The following SEMA3E variants were observed in gnomAD, a reference collection of about 807,000 sequenced individuals.
The protein encoded by SEMA3E is semaphorin-3E.
A neutral mutation model predicts 93.6 loss-of-function variants in SEMA3E; 49 were observed. The observed-to-expected ratio is 0.52, with a 90% CI of 0.42 to 0.66. The LOEUF (loss-of-function observed/expected upper bound fraction) is 0.66, where lower values mean the gene tolerates loss of function less well. SEMA3E is among the 30% of genes least tolerant of loss of function. The pLI is 0.00. For missense variants in SEMA3E, 906 were observed against 964.8 expected, an observed-to-expected ratio of 0.94 and a Z score of 0.81; for synonymous variants, 363 against 330.7, an observed-to-expected ratio of 1.10 and a Z score of -1.06.
intron 4 of SEMA3E, among the ~76,000 whole-genome samples, chr7:83,435,731 T>C (rs1788991433): frequency 1.3e-5 from 2 of 152,338 alleles, no homozygotes; most frequent in South Asian, 4.1e-4. Flanking sequence ...ATACTCTAAG[T>C]GAATGTAACA....
chr7:83,493,461 T>C (rs1241335343), intron 1 of SEMA3E, among the ~76,000 whole-genome samples: 1 of 151,974 alleles, frequency 6.6e-6, no homozygotes, highest in Admixed American at 6.6e-5. Flanking sequence ...TAAAACTGAA[T>C]ATCATTACAT....
At chr7:83,406,135 G>A (rs1788325145) in intron 7 of SEMA3E, 76 bp from the exon 8 acceptor site, 1 of 1,051,448 alleles carries the variant, frequency 9.5e-7, no homozygotes, top group South Asian at 1.3e-5. Flanking sequence ...TATTAAACAT[G>A]CAGTTGCCAA....
intron 1 of SEMA3E, among the ~76,000 whole-genome samples, chr7:83,506,390 A>G (rs1398791933): frequency 2.6e-5 from 4 of 152,108 alleles, no homozygotes; most frequent in African/African-American, 9.7e-5. Context: ...ATCACATCTC[A>G]CTTATTTGTG....
intron 1 of SEMA3E, among the ~76,000 whole-genome samples, chr7:83,609,835 G>C (rs1258162458): frequency 1.3e-5 from 2 of 151,804 alleles, no homozygotes; most frequent in African/African-American, 2.4e-5. Flanking sequence ...GTTAAATTAT[G>C]TACTGAATGC....
intron 16 of SEMA3E, chr7:83,372,567 A>C (rs1194256474): frequency 3.5e-6 from 1 of 286,786 alleles, no homozygotes; most frequent in African/African-American, 2.2e-5. Context: ...AAAAATCAGA[A>C]ACCCAAGTTT....
rs111880311 is a variant in SEMA3E at position 83,405,295 on chromosome 7, G to A, written c.998+155C>T. 3.9e-4 allele frequency among the ~76,000 whole-genome samples: 59 copies of A among 152,154 alleles called. 3 individuals are homozygous for A. Among genetic ancestry groups the A allele is most frequent in the African/African-American group, 1.4e-3 (57 of 41,562 alleles). On this transcript the variant is annotated intron_variant, in intron 9 of 16. Transcript: ENST00000643230. Reference sequence around the variant, plus strand: ...TGAAAATGAAAGTACATTTGCAAACGTTGGAAAATAAAGATCAATTGGTGA... The same window carrying A: ...TGAAAATGAAAGTACATTTGCAAACATTGGAAAATAAAGATCAATTGGTGA...
At chr7:83,529,942 A>C (rs1157500583) in intron 1 of SEMA3E, among the ~76,000 whole-genome samples, 1 of 152,086 alleles carries the variant, frequency 6.6e-6, no homozygotes, top group Non-Finnish European at 1.5e-5. Context: ...ATTTATTTAT[A>C]ATCTAAAAAT....
intron 1 of SEMA3E, among the ~76,000 whole-genome samples, chr7:83,638,379 A>C (rs1793923578): frequency 6.6e-6 from 1 of 152,220 alleles, no homozygotes; most frequent in African/African-American, 2.4e-5. Context: ...TTTCTCCAGG[A>C]AAACTTCTCT....
At chr7:83,572,496 A>T (rs575213843) in intron 1 of SEMA3E, among the ~76,000 whole-genome samples, 1 of 152,036 alleles carries the variant, frequency 6.6e-6, no homozygotes. Flanking sequence ...AAAATTAGCC[A>T]GGCATGGTGG....
intron 4 of SEMA3E, among the ~76,000 whole-genome samples, chr7:83,419,244 C>T (rs937796520): frequency 1.3e-5 from 2 of 152,134 alleles, no homozygotes; most frequent in African/African-American, 4.8e-5. Context: ...TTTTTTATGG[C>T]TGTGTAGTAT....
intron 16 of SEMA3E, among the ~76,000 whole-genome samples, chr7:83,374,080 G>A (rs1450887066): frequency 6.6e-6 from 1 of 151,568 alleles, no homozygotes; most frequent in Non-Finnish European, 1.5e-5. Flanking sequence ...GTGGCATATG[G>A]GTGTAAACCC....
At chr7:83,636,386 T>C (rs1304507596) in intron 1 of SEMA3E, among the ~76,000 whole-genome samples, 1 of 152,102 alleles carries the variant, frequency 6.6e-6, no homozygotes, top group Non-Finnish European at 1.5e-5. Flanking sequence ...TGTTAGGAAT[T>C]GTATGTGGTA....
At chr7:83,490,308 C>A (rs534873175) in intron 1 of SEMA3E, 34 bp from the exon 2 acceptor site, 7 of 1,602,230 alleles carry the variant, frequency 4.4e-6, no homozygotes, top group Non-Finnish European at 5.1e-6. Context: ...ACTAAGCACA[C>A]GAGAAAATGT....
intron 4 of SEMA3E, among the ~76,000 whole-genome samples, chr7:83,437,844 A>G (rs1789035234): frequency 6.6e-6 from 1 of 152,170 alleles, no homozygotes; most frequent in African/African-American, 2.4e-5. Flanking sequence ...TAAAACTATT[A>G]GGATTATATC....
At chr7:83,474,111 A>C (rs558461442) in intron 2 of SEMA3E, among the ~76,000 whole-genome samples, 2 of 151,310 alleles carry the variant, frequency 1.3e-5, no homozygotes, top group Non-Finnish European at 2.9e-5. Flanking sequence ...AAAAAAAAAA[A>C]AAAAAGAAAA....
chr7:83,452,980 C>A (rs55690665), intron 4 of SEMA3E, among the ~76,000 whole-genome samples: 14,104 of 152,110 alleles, frequency 0.093, 858 homozygotes, highest in East Asian at 0.19. Context: ...TGCATAATTT[C>A]TTTTAAAGTA....
intron 9 of SEMA3E, among the ~76,000 whole-genome samples, chr7:83,403,442 A>C (rs948050519): frequency 6.6e-6 from 1 of 152,012 alleles, no homozygotes; most frequent in Non-Finnish European, 1.5e-5. Context: ...TTCTTGATTA[A>C]AATTTCTACT....
Position 83,407,214 on chromosome 7 carries a change from C to CA in SEMA3E, c.695dup (p.Met232IlefsTer4). 6.2e-7 allele frequency: 1 copy of CA among 1,613,110 alleles called. No homozygotes were observed. Among genetic ancestry groups the CA allele is most frequent in the Admixed American group, 1.7e-5 (1 of 59,846 alleles). On this transcript the variant is annotated frameshift_variant, in exon 7 of 17. Coordinates refer to ENST00000643230, the MANE Select transcript of SEMA3E (RefSeq NM_012431.3). LOFTEE classifies it high-confidence loss of function. ...CATCTCTGTCTTCATTGTCAGGAAT[C>CA]ATGTATGAACCTACAAATTTTGGTT...
At chr7:83,405,426 T>G in intron 9 of SEMA3E, 24 bp downstream of exon 9, 1 of 1,548,416 alleles carries the variant, frequency 6.5e-7, no homozygotes, top group South Asian at 1.1e-5. Flanking sequence ...TATATTGTTT[T>G]TATTGACTGT....
Sources: allele counts gnomAD v4.1 joint callset (sites outside exome capture counted in the v4.1 genomes callset), GRCh38; gene constraint gnomAD v4.1.1; transcripts MANE v1.5; gene names NCBI Gene and HGNC (gene_info 2026-07-23, HGNC 2026-07-21).